The following WDR88 variants were observed in gnomAD, a reference collection of about 807,000 sequenced individuals.
WDR88 encodes WD repeat-containing protein 88.
A neutral mutation model predicts 46.8 loss-of-function variants in WDR88; 40 were observed. The observed-to-expected ratio is 0.86, with a 90% CI of 0.66 to 1.11. WDR88 has a LOEUF of 1.11. WDR88 is among the 50% of genes most tolerant of loss of function. WDR88 has a pLI of 0.00. For missense variants in WDR88, 562 were observed against 602.4 expected (o/e 0.93, Z 0.70); for synonymous variants, 235 against 240.7 (o/e 0.98, Z 0.22).
chr19:33,159,079 C>CGGG (rs1973816237), intron 7 of WDR88, among the ~76,000 whole-genome samples: 1 of 151,618 alleles, frequency 6.6e-6, no homozygotes, highest in African/African-American at 2.4e-5. Context: ...GCTTTAATTT[C>CGGG]AGTGCTGGGG....
At chr19:33,141,783 C>T (rs200502822) in intron 2 of WDR88, among the ~76,000 whole-genome samples, 4 of 151,668 alleles carry the variant, frequency 2.6e-5, no homozygotes, top group Non-Finnish European at 5.9e-5. Context: ...TGAGTTCAAG[C>T]GATTCTCCTG....
Position 33,175,403 on chromosome 19 carries a change from G to C in WDR88, c.1250G>C (p.Arg417Thr), listed in dbSNP as rs753706528. 28 of 1,614,142 alleles carry C rather than the reference G, an allele frequency of 1.7e-5. No homozygotes were observed. In the South Asian group the frequency reaches 3.0e-4, roughly 17 times the overall value. The part of the protein sequence containing the change: ...AVGLKLKQCE[R>T]CDRPFSIFKS... ...TAAAATATCCCATGTCAGTGCGAAA[G>C]ATGTGACAGGCCTTTCTCCATCTTC... The change falls in exon 11 of 11, where the codon AGA becomes ACA. Residue 417 changes from arginine to threonine, a missense_variant. Transcript: ENST00000355868.
intron 1 of WDR88, among the ~76,000 whole-genome samples, chr19:33,133,592 T>A (rs1973185032): frequency 6.6e-6 from 1 of 152,214 alleles, no homozygotes; most frequent in Admixed American, 6.5e-5. Context: ...CTTGATTTAT[T>A]GCACTCACAT....
chr19:33,134,202 GAAA>G (rs953910256), intron 1 of WDR88, among the ~76,000 whole-genome samples: 7 of 152,250 alleles, frequency 4.6e-5, no homozygotes, highest in Middle Eastern at 6.8e-3. Flanking sequence ...ACTGTGTGCA[GAAA>G]AAAACCTGAA....
intron 6 of WDR88, 116 bp downstream of exon 6, chr19:33,151,426 G>A: frequency 3.0e-6 from 4 of 1,319,860 alleles, no homozygotes; most frequent in Non-Finnish European, 3.0e-6. Flanking sequence ...TTGGTCATAG[G>A]TGCTCTGAGG....
intron 7 of WDR88, among the ~76,000 whole-genome samples, chr19:33,159,589 TC>T (rs1285684246): frequency 6.6e-6 from 1 of 152,024 alleles, no homozygotes. Flanking sequence ...TACGTACTGA[TC>T]AACTGATGAG....
chr19:33,175,706 G>A lies in WDR88; in HGVS notation c.*134G>A, dbSNP rs965498028. 7 of 1,018,644 alleles carry A rather than the reference G, an allele frequency of 6.9e-6. No homozygotes were observed. Among genetic ancestry groups the A allele is most frequent in the Non-Finnish European group, 1.0e-5 (7 of 694,232 alleles). 63.1% of individuals were successfully genotyped at this position (1,018,644 alleles called of 1,614,324 possible). A position where few individuals can be genotyped will look rare whatever the true frequency, so the allele number is the denominator to read the frequency against. On this transcript the variant is annotated 3_prime_UTR_variant, in exon 11 of 11. Coordinates refer to ENST00000355868, the MANE Select transcript of WDR88 (RefSeq NM_173479.4). ...AGACTGGGGCAGGACCCAAGCCCTG[G>A]CTGGACTCAGCACAGTGCCACCTCC...
chr19:33,151,174 T>G lies in WDR88; in HGVS notation c.680-7T>G. 1.9e-6 allele frequency: 3 copies of G among 1,613,014 alleles called. No homozygotes were observed. Among genetic ancestry groups the G allele is most frequent in the Non-Finnish European group, 2.5e-6 (3 of 1,179,406 alleles). On this transcript the variant is annotated splice_polypyrimidine_tract_variant and splice_region_variant and intron_variant, in intron 5 of 10. Transcript: ENST00000355868. Reference sequence around the variant, plus strand: ...GGTCTCAAGTCCCTTTCCTCCGTGTTCTGCAGATCATCACACAAGGTCCAT... The same window carrying G: ...GGTCTCAAGTCCCTTTCCTCCGTGTGCTGCAGATCATCACACAAGGTCCAT...
In WDR88 at chr19:33,144,951, T is replaced by C. The variant is rs745452663; in HGVS notation, c.476+19T>C. ...GCAGCAGGTGACCTTTCCCTCGTCT[T>C]ACACTGGGAAGAGGGAGGGTGAGCA... On this transcript the variant is annotated intron_variant, in intron 3 of 10. Transcript: ENST00000355868. The C allele has an allele frequency of 6.2e-7, 1 of 1,607,338 alleles. No individual in the cohort carries two copies.
chr19:33,175,548 G>A lies in WDR88; in HGVS notation c.1395G>A (p.Pro465=), dbSNP rs1974109560. ...CATCGGAAAGGGAGAACTCACCGCC[G>A]CCAAGGGGAAGCAAGGATGACTGAC... ...SSSSERENSP[P]PRGSKDD Residue 465 remains proline, a synonymous_variant, in exon 11 of 11, where the codon CCG becomes CCA. Transcript: ENST00000355868. 2.5e-6 allele frequency: 4 copies of A among 1,614,142 alleles called. No individual in the cohort carries two copies. The highest frequency in any genetic ancestry group is 1.7e-4 in the Middle Eastern group (1 of 6,052).
chr19:33,161,521 A>G (rs1973866587), intron 8 of WDR88, among the ~76,000 whole-genome samples: 1 of 152,128 alleles, frequency 6.6e-6, no homozygotes, highest in African/African-American at 2.4e-5. Flanking sequence ...CAGGGACACA[A>G]AGTAGACATG....
chr19:33,138,008 A>C (rs550285175), intron 2 of WDR88, among the ~76,000 whole-genome samples: 1 of 150,852 alleles, frequency 6.6e-6, no homozygotes, highest in Non-Finnish European at 1.5e-5. Context: ...TGGGAATGGG[A>C]TGGAGACCTC....
intron 1 of WDR88, among the ~76,000 whole-genome samples, chr19:33,134,840 A>ACCCCCCCCCCCCCCCC (rs766617576): frequency 3.8e-3 from 237 of 62,360 alleles, no homozygotes; most frequent in Admixed American, 5.1e-3. Flanking sequence ...CGTCCCCGAC[A>ACCCCCCCCCCCCCCCC]CCCCCCCCCC....
chr19:33,144,115 A>G (rs1973459732), intron 2 of WDR88, among the ~76,000 whole-genome samples: 1 of 152,296 alleles, frequency 6.6e-6, no homozygotes, highest in South Asian at 2.1e-4. Context: ...AGCCCCACGG[A>G]CACTGATCAT....
At chr19:33,140,333 T>C (rs542961046) in intron 2 of WDR88, among the ~76,000 whole-genome samples, 5 of 152,170 alleles carry the variant, frequency 3.3e-5, no homozygotes, top group African/African-American at 1.2e-4. Context: ...TTTTTATATT[T>C]TATATTGTAG....
intron 5 of WDR88, among the ~76,000 whole-genome samples, chr19:33,149,139 G>A (rs1015260924): frequency 6.6e-6 from 1 of 152,088 alleles, no homozygotes; most frequent in African/African-American, 2.4e-5. Flanking sequence ...GGGCAACAGG[G>A]TGAAACCCTG....
chr19:33,156,356 G>T lies in WDR88; in HGVS notation c.811G>T (p.Ala271Ser). The change falls in exon 7 of 11, where the codon GCA becomes TCA. Residue 271 changes from alanine to serine, a missense_variant and splice_region_variant. By Grantham distance (99) the Ala-to-Ser change is moderately conservative (BLOSUM62 1). Coordinates refer to ENST00000355868, the MANE Select transcript of WDR88 (RefSeq NM_173479.4). Reference protein sequence around the residue: ...SQATLLTITKAHSNAISNCCF... With the variant: ...SQATLLTITKSHSNAISNCCF... ...TGCACCCCACCATCTGTGTTTCAGG[G>T]CACATTCCAATGCAATCTCAAACTG... 1 of 1,613,710 alleles carries T rather than the reference G, an allele frequency of 6.2e-7. No individual in the cohort carries two copies. Among genetic ancestry groups the T allele is most frequent in the Non-Finnish European group, 8.5e-7 (1 of 1,179,850 alleles).
chr19:33,134,555 G>T (rs2145356293), intron 1 of WDR88, among the ~76,000 whole-genome samples: 1 of 152,152 alleles, frequency 6.6e-6, no homozygotes, highest in East Asian at 1.9e-4. Context: ...CCCAAACCCT[G>T]CAGGGGCGGC....
Position 33,139,221 on chromosome 19 carries a change from C to T in WDR88, c.387+1434C>T, listed in dbSNP as rs566174414. On this transcript the variant is annotated intron_variant, in intron 2 of 10. Transcript: ENST00000355868. Reference sequence around the variant, plus strand: ...CCCAAGGTGCAGCAGGCAGGGGCACCGGGGATGGGGCTGTGAGGTTCACAT... The same window carrying T: ...CCCAAGGTGCAGCAGGCAGGGGCACTGGGGATGGGGCTGTGAGGTTCACAT... Among the ~76,000 whole-genome samples the T allele has an allele frequency of 4.3e-4, 66 of 152,254 alleles. 1 individual carries two copies. Among genetic ancestry groups the T allele is most frequent in the African/African-American group, 1.3e-3 (56 of 41,560 alleles).
Sources: gnomAD v4.1 joint callset for allele counts (sites outside exome capture counted in the v4.1 genomes callset) on GRCh38, gnomAD v4.1.1 for gene constraint, MANE v1.5 for transcripts, NCBI Gene and HGNC (gene_info 2026-07-23, HGNC 2026-07-21) for gene names.